The following CNTN4 variants were observed in gnomAD, a reference collection of about 807,000 sequenced individuals.
CNTN4 encodes contactin-4.
CNTN4 carries 77 observed loss-of-function variants against 122.5 expected under a neutral mutation model. That is an observed-to-expected ratio of 0.63 (90% CI 0.52 to 0.76). The LOEUF (loss-of-function observed/expected upper bound fraction) is 0.76, where lower values mean the gene tolerates loss of function less well. Among genes scored for constraint, CNTN4 ranks in the 30% least tolerant of loss-of-function variants. The pLI, the probability that CNTN4 is intolerant of heterozygous loss-of-function variation, is 0.00. For synonymous variants in CNTN4, 512 were observed against 447.0 expected, an observed-to-expected ratio of 1.15 and a Z score of -1.83; for missense variants, 1,256 against 1,259.1, an observed-to-expected ratio of 1.00 and a Z score of 0.04.
chr3:2,910,729 C>A (rs2094290590), intron 12 of CNTN4, among the ~76,000 whole-genome samples: 1 of 152,126 alleles, frequency 6.6e-6, no homozygotes, highest in Non-Finnish European at 1.5e-5. Flanking sequence ...ATTTTTCCCC[C>A]TCCACCACCT....
intron 5 of CNTN4, 132 bp downstream of exon 5, chr3:2,736,473 A>AT (rs1184570180): frequency 1.8e-5 from 8 of 434,846 alleles, no homozygotes; most frequent in South Asian, 8.8e-5. Flanking sequence ...TTATATATTT[A>AT]TATTTTTGGG....
chr3:2,426,007 C>A (rs2047815535), intron 3 of CNTN4, among the ~76,000 whole-genome samples: 1 of 152,186 alleles, frequency 6.6e-6, no homozygotes, highest in Non-Finnish European at 1.5e-5. Flanking sequence ...ATCATGTCTT[C>A]TGCAAGCAGG....
At chr3:2,481,059 TTCTCTCTTTCTC>T (rs1477170314) in intron 3 of CNTN4, among the ~76,000 whole-genome samples, 15 of 116,880 alleles carry the variant, frequency 1.3e-4, no homozygotes, top group South Asian at 2.9e-4. Flanking sequence ...CTTTCTTTCT[TTCTCTCTTTCTC>T]TCTTTCTCTC....
At chr3:2,290,326 C>A (rs1169364500) in intron 2 of CNTN4, among the ~76,000 whole-genome samples, 1 of 152,120 alleles carries the variant, frequency 6.6e-6, no homozygotes, top group African/African-American at 2.4e-5. Context: ...AGAAACTGAT[C>A]AGGCTTGTCT....
chr3:2,863,164 T>G (rs965650292), intron 7 of CNTN4, among the ~76,000 whole-genome samples: 4 of 152,222 alleles, frequency 2.6e-5, no homozygotes, highest in African/African-American at 9.6e-5. Flanking sequence ...TGCTCCTTCC[T>G]GATTGCCCTG....
intron 14 of CNTN4, among the ~76,000 whole-genome samples, chr3:3,008,096 ATG>A (rs1431884789): frequency 2.0e-5 from 3 of 152,206 alleles, no homozygotes; most frequent in African/African-American, 7.2e-5. Context: ...CATGTAGAGA[ATG>A]TGTGTTTCCA....
chr3:2,910,471 G>C (rs2094288024), intron 12 of CNTN4, among the ~76,000 whole-genome samples: 1 of 152,048 alleles, frequency 6.6e-6, no homozygotes, highest in Non-Finnish European at 1.5e-5. Context: ...TCTCTTAAAA[G>C]AAGAAAAGTT....
At chr3:2,163,001 G>T (rs1281618552) in intron 2 of CNTN4, among the ~76,000 whole-genome samples, 1 of 152,158 alleles carries the variant, frequency 6.6e-6, no homozygotes, top group African/African-American at 2.4e-5. Context: ...GGAGGCTGAG[G>T]TGGAAGGCTA....
intron 3 of CNTN4, among the ~76,000 whole-genome samples, chr3:2,443,451 C>G (rs1027696741): frequency 5.9e-5 from 9 of 152,150 alleles, no homozygotes; most frequent in Non-Finnish European, 1.3e-4. Flanking sequence ...GTGCCTTTCT[C>G]TCCCTTTAAC....
At chr3:2,947,117 G>A (rs976593769) in intron 13 of CNTN4, among the ~76,000 whole-genome samples, 4 of 152,188 alleles carry the variant, frequency 2.6e-5, no homozygotes, top group South Asian at 2.1e-4. Context: ...AAATTAAGAT[G>A]TGGTGTCAGT....
At position 2,567,526 on chromosome 3, in the gene CNTN4, G is replaced by A. The variant is rs116522770; in HGVS notation, c.-88-3890G>A. Among the ~76,000 whole-genome samples the A allele has an allele frequency of 5.3e-3, 802 of 152,232 alleles. 12 individuals carry two copies. The highest frequency in any genetic ancestry group is 0.018 in the African/African-American group (759 of 41,520). On this transcript the variant is annotated intron_variant, in intron 3 of 24. Transcript: ENST00000418658. ...TGTCTTTAACAAAGATAGCTATGAC[G>A]TTTCAACTTTGTGCCAGTACCTAAG...
chr3:2,180,040 GGTAGC>G (rs1357083944), intron 2 of CNTN4, among the ~76,000 whole-genome samples: 2 of 151,326 alleles, frequency 1.3e-5, no homozygotes, highest in Non-Finnish European at 1.5e-5. Context: ...CATAGCCATA[GGTAGC>G]TTATGGCTGC....
In CNTN4 at chr3:2,453,831, T is replaced by C. The variant is rs144867943; in HGVS notation, c.-89+114598T>C. ...AACTACAAGTCAACAGAGTGAATTA[T>C]AGTTTGGTTAATATGCAAAATCATT... On this transcript the variant is annotated intron_variant, in intron 3 of 24. Coordinates refer to ENST00000418658, the MANE Select transcript of CNTN4 (RefSeq NM_175607.3). 3.3e-5 allele frequency among the ~76,000 whole-genome samples: 5 copies of C among 152,298 alleles called. No homozygotes were observed. The East Asian group carries it at 5.8e-4, about 18-fold the overall frequency.
At chr3:2,821,993 T>G (rs1311306912) in intron 7 of CNTN4, among the ~76,000 whole-genome samples, 3 of 152,210 alleles carry the variant, frequency 2.0e-5, no homozygotes, top group Admixed American at 1.3e-4. Flanking sequence ...AAAATAACAA[T>G]TAGTAAAGGT....
At chr3:2,116,562 G>A (rs1316060918) in intron 2 of CNTN4, among the ~76,000 whole-genome samples, 1 of 152,146 alleles carries the variant, frequency 6.6e-6, no homozygotes, top group Non-Finnish European at 1.5e-5. Context: ...CCAGGTTTGA[G>A]CGCTAAAGCA....
chr3:2,149,135 T>G (rs2035384169), intron 2 of CNTN4, among the ~76,000 whole-genome samples: 1 of 152,178 alleles, frequency 6.6e-6, no homozygotes, highest in Admixed American at 6.5e-5. Flanking sequence ...TTTCCCAGTG[T>G]GTGAAGCTTT....
At chr3:2,731,731 A>G (rs1292089581) in intron 4 of CNTN4, among the ~76,000 whole-genome samples, 3 of 152,250 alleles carry the variant, frequency 2.0e-5, no homozygotes, top group South Asian at 2.1e-4. Flanking sequence ...ACCCAAGTGT[A>G]AAAACATTAA....
intron 3 of CNTN4, among the ~76,000 whole-genome samples, chr3:2,386,101 G>C (rs1293604281): frequency 6.6e-6 from 1 of 151,926 alleles, no homozygotes; most frequent in Non-Finnish European, 1.5e-5. Flanking sequence ...GGTTAGATTA[G>C]GAATTCCTCA....
intron 18 of CNTN4, among the ~76,000 whole-genome samples, chr3:3,038,149 G>C (rs1699784994): frequency 6.6e-6 from 1 of 152,176 alleles, no homozygotes; most frequent in African/African-American, 2.4e-5. Context: ...ACATACCCCA[G>C]TGAGACCTTT....
Sources: allele counts gnomAD v4.1 joint callset (sites outside exome capture counted in the v4.1 genomes callset), GRCh38; gene constraint gnomAD v4.1.1; transcripts MANE v1.5; gene names NCBI Gene and HGNC (gene_info 2026-07-23, HGNC 2026-07-21).